Variants in TCF4 observed in about 807,000 individuals in gnomAD.
TCF4 encodes transcription factor 4.
A neutral mutation model predicts 82.1 loss-of-function variants in TCF4; 3 were observed. That is an observed-to-expected ratio of 0.04 (90% confidence interval 0.02 to 0.09). TCF4 has a LOEUF of 0.09. Among genes scored for constraint, TCF4 ranks in the 10% least tolerant of loss-of-function variants. The pLI is 1.00. For synonymous variants in TCF4, 276 were observed against 309.6 expected (o/e 0.89, Z 1.14); for missense variants, 518 against 852.7 (o/e 0.61, Z 4.89).
At chr18:55,429,780 A>AC (rs1379164725) in intron 5 of TCF4, among the ~76,000 whole-genome samples, 1 of 150,716 alleles carries the variant, frequency 6.6e-6, no homozygotes, top group African/African-American at 2.4e-5. Context: ...AAAAAAAAAA[A>AC]AAAAAAAAAC....
intron 5 of TCF4, among the ~76,000 whole-genome samples, chr18:55,459,724 C>T (rs984498788): frequency 5.3e-5 from 8 of 152,228 alleles, no homozygotes; most frequent in South Asian, 2.1e-4. Context: ...AAACAATGCA[C>T]CTTTCTATCA....
intron 5 of TCF4, chr18:55,422,086 A>T: frequency 1.4e-6 from 1 of 696,516 alleles, no homozygotes; most frequent in Non-Finnish European, 1.8e-6. Context: ...GGAATAGATT[A>T]AAAAGAAAAA....
chr18:55,367,188 T>A (rs1001913692), intron 6 of TCF4, among the ~76,000 whole-genome samples: 1 of 152,210 alleles, frequency 6.6e-6, no homozygotes, highest in African/African-American at 2.4e-5. Context: ...CAATCTGGTG[T>A]AGACCAGCTG....
At chr18:55,449,261 C>T (rs913953655) in intron 5 of TCF4, among the ~76,000 whole-genome samples, 5 of 152,068 alleles carry the variant, frequency 3.3e-5, no homozygotes, top group East Asian at 1.9e-4. Flanking sequence ...GCTACTGAGG[C>T]GGTCTGCCAA....
chr18:55,276,844 CTG>C (rs1209969949), intron 9 of TCF4, among the ~76,000 whole-genome samples: 1 of 152,190 alleles, frequency 6.6e-6, no homozygotes, highest in African/African-American at 2.4e-5. Context: ...AAATCTGACA[CTG>C]TATTTCGTGA....
intron 8 of TCF4, among the ~76,000 whole-genome samples, chr18:55,287,105 A>G (rs1487115669): frequency 6.6e-6 from 1 of 152,246 alleles, no homozygotes; most frequent in Admixed American, 6.5e-5. Flanking sequence ...ACAACTATCA[A>G]AAAGTGTAAA....
intron 5 of TCF4, among the ~76,000 whole-genome samples, chr18:55,410,531 T>C (rs1556160157): frequency 6.6e-6 from 1 of 152,078 alleles, no homozygotes; most frequent in Non-Finnish European, 1.5e-5. Flanking sequence ...TAAAAGCTCA[T>C]TAAATGGGCA....
At chr18:55,442,805 G>A (rs182755102) in intron 5 of TCF4, among the ~76,000 whole-genome samples, 72 of 152,320 alleles carry the variant, frequency 4.7e-4, no homozygotes, top group African/African-American at 1.6e-3. Flanking sequence ...AAGAACTTTT[G>A]CATTTCCACA....
At chr18:55,528,130 G>C (rs1282522560) in intron 3 of TCF4, among the ~76,000 whole-genome samples, 2 of 152,186 alleles carry the variant, frequency 1.3e-5, no homozygotes, top group Non-Finnish European at 2.9e-5. Context: ...TGTCATAGAA[G>C]ACTGCTATTT....
intron 8 of TCF4, among the ~76,000 whole-genome samples, chr18:55,347,212 C>T (rs953329122): frequency 2.6e-5 from 4 of 152,004 alleles, no homozygotes; most frequent in East Asian, 1.9e-4. Context: ...ACGAGGGCTA[C>T]GAGAAATTGG....
chr18:55,558,056 T>G (rs1472544774), intron 3 of TCF4, among the ~76,000 whole-genome samples: 4 of 151,694 alleles, frequency 2.6e-5, no homozygotes, highest in Non-Finnish European at 4.4e-5. Flanking sequence ...AGTTTAAAAA[T>G]GAAAAACTAG....
intron 3 of TCF4, among the ~76,000 whole-genome samples, chr18:55,533,798 T>G (rs2097091236): frequency 6.6e-6 from 1 of 152,194 alleles, no homozygotes; most frequent in Admixed American, 6.5e-5. Context: ...GTTCTTTTCA[T>G]CACCATGTTT....
At chr18:55,366,894 T>C (rs758526960) in intron 6 of TCF4, among the ~76,000 whole-genome samples, 8 of 152,242 alleles carry the variant, frequency 5.3e-5, no homozygotes, top group Non-Finnish European at 1.0e-4. Context: ...TCCATATACA[T>C]ATACATTTCC....
At chr18:55,384,956 A>G (rs2092449138) in intron 6 of TCF4, among the ~76,000 whole-genome samples, 1 of 152,202 alleles carries the variant, frequency 6.6e-6, no homozygotes, top group Non-Finnish European at 1.5e-5. Context: ...TGAATTCACT[A>G]AGAAACTACC....
intron 3 of TCF4, among the ~76,000 whole-genome samples, chr18:55,497,612 T>C (rs2096651639): frequency 6.6e-6 from 1 of 152,242 alleles, no homozygotes; most frequent in African/African-American, 2.4e-5. Flanking sequence ...CTAGCAGTTA[T>C]ATTTGTTATA....
At chr18:55,392,950 T>A (rs1291204024) in intron 6 of TCF4, among the ~76,000 whole-genome samples, 1 of 152,228 alleles carries the variant, frequency 6.6e-6, no homozygotes, top group African/African-American at 2.4e-5. Flanking sequence ...ACAGATACCT[T>A]ACATAACTTA....
At chr18:55,456,038 A>G (rs965984286) in intron 5 of TCF4, among the ~76,000 whole-genome samples, 5 of 152,202 alleles carry the variant, frequency 3.3e-5, no homozygotes, top group African/African-American at 1.2e-4. Context: ...CACTCACAAC[A>G]CTTCACCTTT....
intron 5 of TCF4, among the ~76,000 whole-genome samples, chr18:55,411,212 A>T (rs1471827215): frequency 6.6e-6 from 1 of 152,198 alleles, no homozygotes; most frequent in Non-Finnish European, 1.5e-5. Flanking sequence ...AATTTGTACA[A>T]GGGTCCCCTA....
At chr18:55,234,031 T>C (rs566983794) in intron 16 of TCF4, among the ~76,000 whole-genome samples, 1 of 152,118 alleles carries the variant, frequency 6.6e-6, no homozygotes, top group African/African-American at 2.4e-5. Flanking sequence ...TGGCCAGCAA[T>C]AGCCCAACTT....
Sources: gnomAD v4.1 joint callset for allele counts (sites outside exome capture counted in the v4.1 genomes callset) on GRCh38, gnomAD v4.1.1 for gene constraint, MANE v1.5 for transcripts, NCBI Gene and HGNC (gene_info 2026-07-23, HGNC 2026-07-21) for gene names.